The following TIE1 variants were observed in gnomAD, a reference collection of about 807,000 sequenced individuals.
The protein encoded by TIE1 is tyrosine kinase with immunoglobulin like and EGF like domains 1, also known as tyrosine-protein kinase receptor Tie-1.
Under a neutral mutation model 130.5 loss-of-function variants are expected in TIE1, and 89 were observed. The observed-to-expected ratio is 0.68, with a 90% confidence interval of 0.57 to 0.81. TIE1 has a LOEUF of 0.81. Among genes scored for constraint, TIE1 ranks in the 40% least tolerant of loss-of-function variants. TIE1 has a pLI of 0.00. For synonymous variants in TIE1, 568 were observed against 629.4 expected (o/e 0.90, Z 1.46); for missense variants, 1,392 against 1,559.8 (o/e 0.89, Z 1.81).
rs1570447349 is a variant in TIE1, at chr1:43,315,835, C to T, written c.2410-1364C>T. On this transcript the variant is annotated intron_variant, in intron 14 of 22. Coordinates refer to ENST00000372476, the MANE Select transcript of TIE1 (RefSeq NM_005424.5). The surrounding 1 kb of genome is among the most constrained non-coding windows in gnomAD (Gnocchi z 4.4). ...TCCTTAACATACATGGTGTCATACT[C>T]TATATCAAGATATATCCCCCTAGCC... is the stretch of plus-strand genomic sequence containing the variant. 6.6e-6 allele frequency among the ~76,000 whole-genome samples: 1 copy of T among 152,206 alleles called. No homozygotes were observed. Among genetic ancestry groups the T allele is most frequent in the East Asian group, 1.9e-4 (1 of 5,174 alleles).
Position 43,321,045 on chromosome 1 carries a change from A to C in TIE1, c.3108-224A>C, listed in dbSNP as rs1371962130. 7.6e-4 allele frequency among the ~76,000 whole-genome samples: 113 copies of C among 148,634 alleles called. 2 individuals carry two copies. Among genetic ancestry groups the C allele is most frequent in the Middle Eastern group, 3.5e-3 (1 of 284 alleles). On this transcript the variant is annotated intron_variant, in intron 19 of 22. Coordinates refer to ENST00000372476, the MANE Select transcript of TIE1 (RefSeq NM_005424.5). ...GAGACCCTGTCTCAAAAAAAAAAAA[A>C]AAAAAAAAACAAAACAAAAGAGCTC...
At chr1:43,314,561 C>A in intron 14 of TIE1, 1 of 991,378 alleles carries the variant, frequency 1.0e-6, no homozygotes, top group Non-Finnish European at 1.2e-6. Context: ...GGCACAGTGA[C>A]TTGCACCTGT....
chr1:43,311,275 C>T (rs1434164168), intron 9 of TIE1, among the ~76,000 whole-genome samples: 1 of 151,774 alleles, frequency 6.6e-6, no homozygotes, highest in Non-Finnish European at 1.5e-5. Flanking sequence ...GGAGCAGGTG[C>T]TTCAGTGCCA....
At position 43,307,053 on chromosome 1, in the gene TIE1, A is replaced by G; in HGVS notation, c.640+58A>G. On this transcript the variant is annotated intron_variant, in intron 4 of 22. Coordinates refer to ENST00000372476, the MANE Select transcript of TIE1 (RefSeq NM_005424.5). The surrounding 1 kb of genome is among the most constrained non-coding windows in gnomAD (Gnocchi z 5.4). Reference sequence around the variant, plus strand: ...GTGGGAGGCTGGGAGCCCTATGGGTACTTCCTGTGGGTCCCCTGGAGCCCC... The same window carrying G: ...GTGGGAGGCTGGGAGCCCTATGGGTGCTTCCTGTGGGTCCCCTGGAGCCCC... The G allele has an allele frequency of 6.2e-7, 1 of 1,612,712 alleles. No homozygotes were observed. Among genetic ancestry groups the G allele is most frequent in the Non-Finnish European group, 8.5e-7 (1 of 1,179,488 alleles).
Position 43,309,319 on chromosome 1 carries a change from G to A in TIE1, c.1189-69G>A, listed in dbSNP as rs541371889. 4.7e-5 allele frequency: 72 copies of A among 1,533,686 alleles called. No homozygotes were observed. The highest frequency in any genetic ancestry group is 1.9e-4 in the Admixed American group (9 of 47,044). The stretch of plus-strand genomic sequence containing the variant: ...CCTCTGTCCTGCCATCAGTCCAGAC[G>A]GACACCTGGGTGCCTGCCACAGAGG... On this transcript the variant is annotated intron_variant, in intron 8 of 22. Coordinates refer to ENST00000372476, the MANE Select transcript of TIE1 (RefSeq NM_005424.5). The surrounding 1 kb of genome is among the most constrained non-coding windows in gnomAD (Gnocchi z 6.3).
intron 1 of TIE1, 43 bp downstream of exon 1, chr1:43,301,172 G>A (rs1392499702): frequency 6.3e-7 from 1 of 1,593,232 alleles, no homozygotes; most frequent in East Asian, 2.3e-5. Context: ...TAGGCCCCGA[G>A]GCCCTGATTT....
rs1646930436 is a variant in TIE1 at position 43,322,594 on chromosome 1, C to A, written c.3346-57C>A. The A allele has an allele frequency of 6.9e-7, 1 of 1,442,422 alleles. No individual in the cohort carries two copies. The allele number at this position is 1,442,422 out of a possible 1,614,324, so 89.4% of individuals were successfully genotyped here. On this transcript the variant is annotated intron_variant, in intron 22 of 22. Coordinates refer to ENST00000372476, the MANE Select transcript of TIE1 (RefSeq NM_005424.5). The surrounding 1 kb of genome is among the most constrained non-coding windows in gnomAD (Gnocchi z 4.0). ...CCCCCACCACATGGAAGTCCAGGAG[C>A]TTGAGGCCAGATGCACCCCCATTCC...
In TIE1 at chr1:43,319,099, G is replaced by A. The variant is rs1443516789; in HGVS notation, c.2923-136G>A. On this transcript the variant is annotated intron_variant, in intron 17 of 22. Transcript: ENST00000372476. This position sits in a 1 kb window ranked among gnomAD's most constrained non-coding sequence, Gnocchi z 4.7. Reference sequence around the variant, plus strand: ...CTTTCTCAGATATGAGTCAGCTGACGAGATTGCAGCCAGGAGGGTAGGAGT... The same window carrying A: ...CTTTCTCAGATATGAGTCAGCTGACAAGATTGCAGCCAGGAGGGTAGGAGT... 1 of 662,184 alleles carries A rather than the reference G, an allele frequency of 1.5e-6. No individual in the cohort carries two copies. The highest frequency in any genetic ancestry group is 2.7e-5 in the East Asian group (1 of 37,108). 41.0% of individuals were successfully genotyped at this position (662,184 alleles called of 1,614,324 possible).
At position 43,306,994 on chromosome 1, in the gene TIE1, G is replaced by T. The variant is rs34084603; in HGVS notation, c.639G>T (p.Arg213=). 1 of 1,613,818 alleles carries T rather than the reference G, an allele frequency of 6.2e-7. No homozygotes were observed. The highest frequency in any genetic ancestry group is 8.5e-7 in the Non-Finnish European group (1 of 1,180,014). ...LGSAFFRLIV[R]GCGAGRWGPG... is the part of the protein sequence containing the mutation. Reference sequence around the variant, plus strand: ...GCGCCTTCTTTCGGCTCATCGTGCGGGGTCAGAGGCAGAGGGCAGAGGTTG... The same window carrying T: ...GCGCCTTCTTTCGGCTCATCGTGCGTGGTCAGAGGCAGAGGGCAGAGGTTG... The change falls in exon 4 of 23, where the codon CGG becomes CGT. Residue 213 remains arginine, a splice_region_variant and synonymous_variant. Transcript: ENST00000372476. The surrounding 1 kb of genome is among the most constrained non-coding windows in gnomAD (Gnocchi z 4.9).
chr1:43,305,127 G>C lies in TIE1; in HGVS notation c.335G>C (p.Arg112Pro). Residue 112 changes from arginine (R) to proline (P), a missense_variant, in exon 2 of 23, where the codon CGG becomes CCG. Arg to Pro is a moderately radical substitution (Grantham distance 103). Around this residue, in one of 6 missense-constraint regions of TIE1, gnomAD observed 415 missense variants for 424.8 expected, o/e 0.98. Transcript: ENST00000372476. Reference protein sequence around the residue: ...VFSCVGGAGARRTRVIYVHNS... With the variant: ...VFSCVGGAGAPRTRVIYVHNS... ...TCCTGCGTGGGCGGTGCTGGGGCGCGGCGCACGCGCGTCATCTACGTGCAC... is the reference window on the plus strand; with the variant it reads ...TCCTGCGTGGGCGGTGCTGGGGCGCCGCGCACGCGCGTCATCTACGTGCAC... The C allele has an allele frequency of 3.7e-6, 6 of 1,613,754 alleles. No homozygotes were observed. Among genetic ancestry groups the C allele is most frequent in the Non-Finnish European group, 5.1e-6 (6 of 1,179,828 alleles).
intron 1 of TIE1, 152 bp from the exon 2 acceptor site, chr1:43,304,699 A>G: frequency 1.3e-6 from 1 of 783,256 alleles, no homozygotes; most frequent in Non-Finnish European, 1.8e-6. Flanking sequence ...GTGGGGTCTG[A>G]AGAACCGGGC....
At position 43,312,528 on chromosome 1, in the gene TIE1, G is replaced by A. The variant is rs754171881; in HGVS notation, c.1854G>A (p.Leu618=). 6 of 1,613,500 alleles carry A rather than the reference G, an allele frequency of 3.7e-6. No individual in the cohort carries two copies. The highest frequency in any genetic ancestry group is 1.7e-5 in the Admixed American group (1 of 60,004). The change falls in exon 12 of 23, where the codon CTG becomes CTA. Residue 618 remains leucine, a synonymous_variant. Transcript: ENST00000372476. This position sits in a 1 kb window ranked among gnomAD's most constrained non-coding sequence, Gnocchi z 5.6. ...TCACGCCTGGCACCCACTACCAGCT[G>A]GATGTGCAGCTCTACCACTGCACCC... is the stretch of plus-strand genomic sequence containing the variant. ...TGLTPGTHYQ[L]DVQLYHCTLL... is the part of the protein sequence containing the mutation.
intron 19 of TIE1, among the ~76,000 whole-genome samples, chr1:43,321,048 A>C (rs1044744216): frequency 2.6e-4 from 39 of 150,192 alleles, no homozygotes; most frequent in African/African-American, 9.0e-4. Context: ...AAAAAAAAAA[A>C]AAAAAACAAA....
Position 43,319,109 on chromosome 1 carries a change from C to A in TIE1, c.2923-126C>A. The A allele has an allele frequency of 4.4e-6, 3 of 688,964 alleles. No homozygotes were observed. Among genetic ancestry groups the A allele is most frequent in the Non-Finnish European group, 5.2e-6 (2 of 384,202 alleles). The allele number at this position is 688,964 out of a possible 1,614,324, so 42.7% of individuals were successfully genotyped here. A position where few individuals can be genotyped will look rare whatever the true frequency, so the allele number is the denominator to read the frequency against. On this transcript the variant is annotated intron_variant, in intron 17 of 22. Transcript: ENST00000372476. This position sits in a 1 kb window ranked among gnomAD's most constrained non-coding sequence, Gnocchi z 4.7. Reference sequence around the variant, plus strand: ...TATGAGTCAGCTGACGAGATTGCAGCCAGGAGGGTAGGAGTATGGGGTATT... The same window carrying A: ...TATGAGTCAGCTGACGAGATTGCAGACAGGAGGGTAGGAGTATGGGGTATT...
chr1:43,318,169 G>A lies in TIE1; in HGVS notation c.2922+97G>A. On this transcript the variant is annotated intron_variant, in intron 17 of 22. Transcript: ENST00000372476. The surrounding 1 kb of genome is among the most constrained non-coding windows in gnomAD (Gnocchi z 4.4). ...CCGGCCCTGATTGTATCTGGGGATT[G>A]AGGTTCCTGGCCCAAGTGTGTGGGT... The A allele has an allele frequency of 2.8e-6, 4 of 1,431,508 alleles. No individual in the cohort carries two copies. In the South Asian group the frequency reaches 5.6e-5, roughly 20 times the overall value. 88.7% of individuals were successfully genotyped at this position (1,431,508 alleles called of 1,614,324 possible).
rs753371384 is a variant in TIE1 at position 43,312,318 on chromosome 1, G to A, written c.1644G>A (p.Gln548=). The A allele has an allele frequency of 5.2e-6, 8 of 1,551,178 alleles. No homozygotes were observed. The highest frequency in any genetic ancestry group is 1.8e-5 in the Admixed American group (1 of 54,450). The stretch of plus-strand genomic sequence containing the variant: ...CTCTGGCCCCAGAGCCTTTGTTGCA[G>A]CCGTGGTTGGAGGGCTGGCATGTGG... ...MTTDCPEPLL[Q]PWLEGWHVEG... Residue 548 remains glutamine, a synonymous_variant, in exon 12 of 23, where the codon CAG becomes CAA. Transcript: ENST00000372476. The surrounding 1 kb of genome is among the most constrained non-coding windows in gnomAD (Gnocchi z 5.6).
chr1:43,318,929 A>G lies in TIE1; in HGVS notation c.2923-306A>G, dbSNP rs568412120. On this transcript the variant is annotated intron_variant, in intron 17 of 22. Transcript: ENST00000372476. This position sits in a 1 kb window ranked among gnomAD's most constrained non-coding sequence, Gnocchi z 4.4. ...GAAGCTGGAGGGCTAAGGGAGAGAA[A>G]CTGGAACCCAGGGGATGGGAAGAGG... Among the ~76,000 whole-genome samples the G allele has an allele frequency of 6.6e-6, 1 of 152,112 alleles. No individual in the cohort carries two copies. Among genetic ancestry groups the G allele is most frequent in the Non-Finnish European group, 1.5e-5 (1 of 67,984 alleles).
chr1:43,301,482 CAA>C (rs772356610), intron 1 of TIE1, among the ~76,000 whole-genome samples: 20 of 113,296 alleles, frequency 1.8e-4, no homozygotes, highest in Non-Finnish European at 1.5e-4. Context: ...TCGTCTTTTT[CAA>C]AAAAAAAAAA....
chr1:43,320,397 G>C (rs1283511972), intron 19 of TIE1: 1 of 152,192 alleles, frequency 6.6e-6, no homozygotes, highest in African/African-American at 2.4e-5. Flanking sequence ...AAATGACCAG[G>C]GCCTGGACCA....
Sources: gnomAD v4.1 joint callset for allele counts (sites outside exome capture counted in the v4.1 genomes callset) on GRCh38, gnomAD v4.1.1 for gene constraint, gnomAD v4.1.1 regional missense constraint, Gnocchi (gnomAD v3.1) non-coding constraint, MANE v1.5 for transcripts, NCBI Gene and HGNC (gene_info 2026-07-23, HGNC 2026-07-21) for gene names.